The following PTPA variants were observed in gnomAD, a reference collection of about 807,000 sequenced individuals.
The protein encoded by PTPA is protein phosphatase 2 phosphatase activator, also known as serine/threonine-protein phosphatase 2A activator.
Under a neutral mutation model 43.6 loss-of-function variants are expected in PTPA, and 13 were observed. The ratio of observed to expected loss-of-function variants is 0.30; its 90% confidence interval spans 0.19 to 0.47. The LOEUF is 0.47. PTPA is among the 20% of genes least tolerant of loss of function. The probability of loss-of-function intolerance (pLI) is 0.99; values close to 1 mark genes in which losing one functional copy is unlikely to be tolerated. For missense variants in PTPA, 329 were observed against 411.9 expected (o/e 0.80, Z 1.74); for synonymous variants, 172 against 158.2 (o/e 1.09, Z -0.66).
chr9:129,140,494 C>G (rs946903097), intron 8 of PTPA, among the ~76,000 whole-genome samples: 16 of 152,178 alleles, frequency 1.1e-4, no homozygotes, highest in African/African-American at 3.4e-4. Context: ...GGACATGGGC[C>G]TAGCCCTGGC....
upstream of PTPA, chr9:129,111,400 C>T (rs1054753472): frequency 2.4e-6 from 3 of 1,238,716 alleles, no homozygotes; most frequent in African/African-American, 1.6e-5. Context: ...TAGGCTTGCT[C>T]CCTGAGCGCC....
At chr9:129,112,606 A>G (rs953682936) in intron 1 of PTPA, among the ~76,000 whole-genome samples, 5 of 152,182 alleles carry the variant, frequency 3.3e-5, no homozygotes, top group African/African-American at 1.2e-4. Context: ...TCAAAACCAG[A>G]CATTTATTTT....
At chr9:129,134,695 C>A in intron 5 of PTPA, 100 bp from the exon 6 acceptor site, 1 of 929,610 alleles carries the variant, frequency 1.1e-6, no homozygotes, top group South Asian at 1.5e-5. Flanking sequence ...GACCACCCTC[C>A]TCAGAGGGGC....
intron 5 of PTPA, among the ~76,000 whole-genome samples, chr9:129,134,296 C>CCTTT (rs1850200279): frequency 1.8e-5 from 1 of 56,886 alleles, no homozygotes; most frequent in African/African-American, 7.8e-5. Context: ...ACTGGTAGTT[C>CCTTT]TTTTTTTTTT....
intron 1 of PTPA, among the ~76,000 whole-genome samples, chr9:129,116,387 T>TTC (rs1848871190): frequency 7.4e-6 from 1 of 134,428 alleles, no homozygotes; most frequent in African/African-American, 3.0e-5. Flanking sequence ...AGGGTTTCTT[T>TTC]TTTTTTTTTT....
At chr9:129,128,902 G>A in intron 3 of PTPA, 83 bp from the exon 4 acceptor site, 2 of 1,559,004 alleles carry the variant, frequency 1.3e-6, no homozygotes, top group East Asian at 2.3e-5. Context: ...AGGGGTCATT[G>A]TCTGGCAGCA....
chr9:129,115,865 A>G (rs944304076), intron 1 of PTPA, among the ~76,000 whole-genome samples: 4 of 144,762 alleles, frequency 2.8e-5, no homozygotes, highest in Non-Finnish European at 4.5e-5. Flanking sequence ...TTGGTCTCAA[A>G]CTCCTGACCT....
At chr9:129,126,832 G>GAGGA (rs1179261653) in intron 3 of PTPA, among the ~76,000 whole-genome samples, 6 of 152,140 alleles carry the variant, frequency 3.9e-5, no homozygotes, top group Non-Finnish European at 7.4e-5. Flanking sequence ...CTCTCCTGAA[G>GAGGA]AGGAGCTGGG....
intron 8 of PTPA, among the ~76,000 whole-genome samples, chr9:129,141,076 C>G (rs954259286): frequency 6.6e-6 from 1 of 152,086 alleles, no homozygotes; most frequent in African/African-American, 2.4e-5. Context: ...GTCCTTGCTC[C>G]TGAACATGGG....
chr9:129,120,993 C>G (rs987087509), intron 2 of PTPA, among the ~76,000 whole-genome samples: 3 of 152,164 alleles, frequency 2.0e-5, no homozygotes, highest in African/African-American at 7.2e-5. Context: ...GGAGAAGAGG[C>G]TATCTCATGG....
chr9:129,147,182 T>TC (rs397725538), intron 9 of PTPA, among the ~76,000 whole-genome samples: 31 of 151,230 alleles, frequency 2.0e-4, no homozygotes, highest in Middle Eastern at 6.8e-3. Flanking sequence ...GCCTTTTCTC[T>TC]TTCTCTCTCT....
At chr9:129,113,235 A>G (rs1488443980) in intron 1 of PTPA, among the ~76,000 whole-genome samples, 1 of 151,802 alleles carries the variant, frequency 6.6e-6, no homozygotes, top group Non-Finnish European at 1.5e-5. Flanking sequence ...CTGGGACTAC[A>G]GGTGCGCCAC....
chr9:129,135,120 C>T (rs575596178), intron 6 of PTPA, among the ~76,000 whole-genome samples: 13 of 152,328 alleles, frequency 8.5e-5, no homozygotes, highest in Admixed American at 5.9e-4. Flanking sequence ...ATAGGCCGGG[C>T]GCGGTGGCTC....
chr9:129,140,100 A>AT (rs1382826526), intron 8 of PTPA: 1 of 139,518 alleles, frequency 7.2e-6, no homozygotes, highest in African/African-American at 2.6e-5. Flanking sequence ...CAGAGGAGCC[A>AT]TTTACAAAAG....
chr9:129,140,057 C>T (rs1159544002), intron 8 of PTPA: 1 of 152,544 alleles, frequency 6.6e-6, no homozygotes, highest in East Asian at 1.9e-4. Context: ...TGTGCAGAGC[C>T]TCCCCACCCC....
At chr9:129,126,200 T>G (rs1197551817) in intron 3 of PTPA, among the ~76,000 whole-genome samples, 1 of 151,882 alleles carries the variant, frequency 6.6e-6, no homozygotes, top group Non-Finnish European at 1.5e-5. Context: ...TTTATTTTTA[T>G]TTTTATTTTT....
In PTPA at chr9:129,111,562, G is replaced by A; in HGVS notation, c.-39G>A. 1 of 1,293,618 alleles carries A rather than the reference G, an allele frequency of 7.7e-7. No homozygotes were observed. Among genetic ancestry groups the A allele is most frequent in the Non-Finnish European group, 9.9e-7 (1 of 1,012,340 alleles). 80.1% of individuals were successfully genotyped at this position (1,293,618 alleles called of 1,614,324 possible). ...GGGTGCAAGAGTGAAAGGCGAGAGG[G>A]GACTGCAAGCATCCGGGTCGGCTCC... is the stretch of plus-strand genomic sequence containing the variant. On this transcript the variant is annotated 5_prime_UTR_variant, in exon 1 of 10. Transcript: ENST00000393370.
intron 1 of PTPA, 41 bp downstream of exon 1, chr9:129,111,672 G>T: frequency 2.4e-6 from 3 of 1,271,808 alleles, no homozygotes; most frequent in Non-Finnish European, 3.0e-6. Flanking sequence ...GTCGGGTAGG[G>T]TGGGGGCGGT....
intron 1 of PTPA, among the ~76,000 whole-genome samples, chr9:129,113,427 C>T (rs989195130): frequency 2.4e-4 from 37 of 151,774 alleles, no homozygotes; most frequent in African/African-American, 8.7e-4. Context: ...TGTCCGGCTA[C>T]ATTCAAAGCT....
Sources: gnomAD v4.1 joint callset for allele counts (sites outside exome capture counted in the v4.1 genomes callset) on GRCh38, gnomAD v4.1.1 for gene constraint, MANE v1.5 for transcripts, NCBI Gene and HGNC (gene_info 2026-07-23, HGNC 2026-07-21) for gene names.